Variants in VWA8 observed in about 807,000 individuals in gnomAD.
VWA8 encodes von Willebrand factor A domain-containing protein 8.
Under a neutral mutation model 241.5 loss-of-function variants are expected in VWA8, and 221 were observed. The observed-to-expected ratio is 0.91, with a 90% CI of 0.82 to 1.02. The LOEUF is 1.02. Ranked by LOEUF, VWA8 falls within the 50% of genes least tolerant of loss-of-function variation. VWA8 has a pLI of 0.00. For synonymous variants in VWA8, 852 were observed against 827.1 expected (o/e 1.03, Z -0.52); for missense variants, 2,322 against 2,328.7 (o/e 1.00, Z 0.06).
At chr13:41,766,493 T>C (rs1428036484) in intron 20 of VWA8, among the ~76,000 whole-genome samples, 2 of 152,226 alleles carry the variant, frequency 1.3e-5, no homozygotes, top group African/African-American at 2.4e-5. Flanking sequence ...TTTGCAAGCA[T>C]GCTCATCAGC....
chr13:41,926,741 AC>A, intron 2 of VWA8: 1 of 538,612 alleles, frequency 1.9e-6, no homozygotes. Flanking sequence ...TACTGACTTC[AC>A]CCCACCCTTC....
At chr13:41,761,278 T>C in intron 20 of VWA8, 74 bp from the exon 21 acceptor site, 1 of 1,441,920 alleles carries the variant, frequency 6.9e-7, no homozygotes. Flanking sequence ...ATCAGAAGAA[T>C]CTTTTACCAA....
chr13:41,748,342 G>A (rs1397512136), intron 21 of VWA8, among the ~76,000 whole-genome samples: 9 of 152,048 alleles, frequency 5.9e-5, no homozygotes, highest in Admixed American at 3.3e-4. Flanking sequence ...TGTATGTGTC[G>A]AGGAATTTAT....
intron 12 of VWA8, among the ~76,000 whole-genome samples, chr13:41,851,236 TCCA>T (rs1321862808): frequency 3.9e-5 from 6 of 152,150 alleles, no homozygotes; most frequent in African/African-American, 1.4e-4. Flanking sequence ...ACCAGGCCAG[TCCA>T]CCTAAGGACT....
intron 21 of VWA8, among the ~76,000 whole-genome samples, chr13:41,733,845 T>C (rs2045504480): frequency 6.6e-6 from 1 of 152,136 alleles, no homozygotes; most frequent in African/African-American, 2.4e-5. Flanking sequence ...ACTGGAGGAA[T>C]TCTATAAATA....
intron 18 of VWA8, among the ~76,000 whole-genome samples, chr13:41,784,390 T>G (rs1869040570): frequency 1.3e-5 from 2 of 152,040 alleles, no homozygotes; most frequent in South Asian, 4.2e-4. Context: ...TTCAGCCAAG[T>G]GCAGTGGCAC....
At chr13:41,763,137 A>C (rs1379626659) in intron 20 of VWA8, among the ~76,000 whole-genome samples, 1 of 151,748 alleles carries the variant, frequency 6.6e-6, no homozygotes, top group Non-Finnish European at 1.5e-5. Flanking sequence ...AACAAACAAA[A>C]AATTAGCCAG....
chr13:41,600,702 C>T lies in VWA8; in HGVS notation c.4986+4466G>A, dbSNP rs200974552. ...GGTGTCCCAATAGTGAGAAAACATACTATAACATCCAAAGCAAACATCTGC... is the reference window on the plus strand; with the variant it reads ...GGTGTCCCAATAGTGAGAAAACATATTATAACATCCAAAGCAAACATCTGC... On this transcript the variant is annotated intron_variant, in intron 40 of 44. Transcript: ENST00000379310. 5.9e-5 allele frequency among the ~76,000 whole-genome samples: 9 copies of T among 152,218 alleles called. No homozygotes were observed. The East Asian group carries it at 1.7e-3, about 29-fold the overall frequency.
At chr13:41,640,779 T>A (rs1409549292) in intron 37 of VWA8, among the ~76,000 whole-genome samples, 1 of 152,222 alleles carries the variant, frequency 6.6e-6, no homozygotes, top group African/African-American at 2.4e-5. Flanking sequence ...TCATCTGTTG[T>A]TTGATGGCAA....
intron 27 of VWA8, 138 bp from the exon 28 acceptor site, chr13:41,701,668 G>T: frequency 1.4e-6 from 1 of 721,124 alleles, no homozygotes; most frequent in Non-Finnish European, 2.0e-6. Context: ...TTATTGACAG[G>T]CTTAGTACTC....
chr13:41,586,322 A>C (rs555934376), intron 42 of VWA8, among the ~76,000 whole-genome samples: 1 of 152,294 alleles, frequency 6.6e-6, no homozygotes, highest in South Asian at 2.1e-4. Context: ...ACCAAGAGGG[A>C]ATCTTAAGCA....
At position 41,935,166 on chromosome 13, in the gene VWA8, C is replaced by T. The variant is rs114332067; in HGVS notation, c.241+14770G>A. Among the ~76,000 whole-genome samples the T allele has an allele frequency of 6.8e-3, 1,042 of 152,200 alleles. 16 individuals are homozygous for T. The highest frequency in any genetic ancestry group is 0.024 in the African/African-American group (994 of 41,562). On this transcript the variant is annotated intron_variant, in intron 2 of 44. Coordinates refer to ENST00000379310, the MANE Select transcript of VWA8 (RefSeq NM_015058.2). Reference sequence around the variant, plus strand: ...AAGGAGCAATATGATTGGTGACATACCTCAGGGTAGTGTGGCTGGTCAAGA... The same window carrying T: ...AAGGAGCAATATGATTGGTGACATATCTCAGGGTAGTGTGGCTGGTCAAGA...
chr13:41,883,559 T>A, intron 8 of VWA8, 68 bp from the exon 9 acceptor site: 1 of 1,183,292 alleles, frequency 8.5e-7, no homozygotes, highest in Non-Finnish European at 1.2e-6. Context: ...ATCTGAAATG[T>A]ACATATGACA....
intron 12 of VWA8, among the ~76,000 whole-genome samples, chr13:41,838,721 C>T (rs949138306): frequency 6.6e-6 from 1 of 152,014 alleles, no homozygotes; most frequent in Non-Finnish European, 1.5e-5. Context: ...AATCTAATAT[C>T]CAACATAAAG....
intron 19 of VWA8, among the ~76,000 whole-genome samples, chr13:41,778,961 C>G (rs1049379046): frequency 6.7e-6 from 1 of 149,374 alleles, no homozygotes; most frequent in African/African-American, 2.4e-5. Flanking sequence ...CTTGCCTCAG[C>G]CTCCCGAGTA....
chr13:41,857,782 C>G (rs1846821635), intron 12 of VWA8, among the ~76,000 whole-genome samples: 1 of 152,114 alleles, frequency 6.6e-6, no homozygotes, highest in Non-Finnish European at 1.5e-5. Flanking sequence ...GTCAACTTGA[C>G]TGGGCTGTGG....
chr13:41,571,372 C>G (rs1011493603), intron 43 of VWA8, among the ~76,000 whole-genome samples: 22 of 150,062 alleles, frequency 1.5e-4, no homozygotes, highest in Non-Finnish European at 2.7e-4. Context: ...TCCCCGGTCT[C>G]CCTCTGATGC....
intron 14 of VWA8, among the ~76,000 whole-genome samples, chr13:41,825,769 T>C (rs1335973920): frequency 6.6e-6 from 1 of 152,206 alleles, no homozygotes; most frequent in Non-Finnish European, 1.5e-5. Context: ...TGTGATTAAG[T>C]ACAGAAATGA....
At chr13:41,692,780 G>A (rs1432468097) in intron 30 of VWA8, 82 bp downstream of exon 30, 13 of 1,080,570 alleles carry the variant, frequency 1.2e-5, no homozygotes, top group Non-Finnish European at 1.8e-5. Context: ...GGCACTTAAA[G>A]GGATGGGCAT....
Sources: gnomAD v4.1 joint callset for allele counts (sites outside exome capture counted in the v4.1 genomes callset) on GRCh38, gnomAD v4.1.1 for gene constraint, MANE v1.5 for transcripts, NCBI Gene and HGNC (gene_info 2026-07-23, HGNC 2026-07-21) for gene names.